Variants in GALNT13 observed in about 807,000 individuals in gnomAD.
GALNT13 encodes the protein polypeptide N-acetylgalactosaminyltransferase 13.
Under a neutral mutation model 64.2 loss-of-function variants are expected in GALNT13, and 28 were observed. That is an observed-to-expected ratio of 0.44 (90% CI 0.32 to 0.60). The LOEUF (loss-of-function observed/expected upper bound fraction) is 0.60, where lower values mean the gene tolerates loss of function less well. Ranked by LOEUF, GALNT13 falls within the 20% of genes least tolerant of loss-of-function variation. The pLI is 0.05. For synonymous variants in GALNT13, 214 were observed against 224.6 expected, an observed-to-expected ratio of 0.95 and a Z score of 0.42; for missense variants, 577 against 669.8, an observed-to-expected ratio of 0.86 and a Z score of 1.53.
At chr2:154,329,838 C>G (rs1174354274) in intron 9 of GALNT13, among the ~76,000 whole-genome samples, 2 of 152,028 alleles carry the variant, frequency 1.3e-5, no homozygotes, top group Non-Finnish European at 2.9e-5. Context: ...TTCTCTCTCT[C>G]CTGTGATCTC....
At chr2:154,201,475 GT>G (rs1687166916) in intron 4 of GALNT13, among the ~76,000 whole-genome samples, 1 of 152,082 alleles carries the variant, frequency 6.6e-6, no homozygotes, top group Admixed American at 6.6e-5. Flanking sequence ...GAAGACATTA[GT>G]AACGATGACA....
At chr2:153,225,469 C>T in the GALNT13 span, among the ~76,000 whole-genome samples, 2 of 151,976 alleles carry the variant, frequency 1.3e-5, no homozygotes, top group African/African-American at 4.8e-5. Flanking sequence ...TCCTATTCAC[C>T]CTTGTAGTAT....
chr2:153,309,468 A>T, the GALNT13 span, among the ~76,000 whole-genome samples: 2 of 152,136 alleles, frequency 1.3e-5, no homozygotes, highest in African/African-American at 4.8e-5. Context: ...GAAAGTCATC[A>T]TCTTTCACCA....
At chr2:154,445,060 G>A (rs1455151476) in intron 12 of GALNT13, among the ~76,000 whole-genome samples, 1 of 151,824 alleles carries the variant, frequency 6.6e-6, no homozygotes, top group East Asian at 1.9e-4. Flanking sequence ...ACTATGCTTT[G>A]TTTTCAAGCA....
At chr2:153,867,298 C>CG (rs1037122979), upstream of GALNT13, among the ~76,000 whole-genome samples, 19 of 152,112 alleles carry the variant, frequency 1.2e-4, no homozygotes, top group Admixed American at 6.6e-4. Context: ...TATCTAATTA[C>CG]GGGCCCTAGC....
At chr2:153,928,331 A>G (rs1690291924) in intron 2 of GALNT13, among the ~76,000 whole-genome samples, 1 of 152,134 alleles carries the variant, frequency 6.6e-6, no homozygotes, top group Non-Finnish European at 1.5e-5. Flanking sequence ...AAGGCCAACT[A>G]GGAAGCTGCA....
the GALNT13 span, among the ~76,000 whole-genome samples, chr2:153,511,433 A>T: frequency 6.6e-6 from 1 of 152,104 alleles, no homozygotes; most frequent in Admixed American, 6.6e-5. Flanking sequence ...GTAGGGTTTC[A>T]AGAGATGTGG....
intron 9 of GALNT13, among the ~76,000 whole-genome samples, chr2:154,363,182 C>CAAT (rs1449326560): frequency 6.6e-6 from 1 of 152,116 alleles, no homozygotes; most frequent in Admixed American, 6.6e-5. Flanking sequence ...CTTAAAAACC[C>CAAT]AATAGGCTTG....
intron 4 of GALNT13, among the ~76,000 whole-genome samples, chr2:154,195,615 T>C (rs1018608914): frequency 2.0e-5 from 3 of 152,186 alleles, no homozygotes; most frequent in Non-Finnish European, 2.9e-5. Context: ...TTGGTCTTTT[T>C]AATTTTTGGT....
At chr2:154,403,055 G>A (rs1699369005) in intron 10 of GALNT13, among the ~76,000 whole-genome samples, 1 of 152,030 alleles carries the variant, frequency 6.6e-6, no homozygotes, top group Non-Finnish European at 1.5e-5. Flanking sequence ...ATGCCTACAG[G>A]GTTGGGCTCG....
At chr2:154,001,358 C>T (rs964451192) in intron 3 of GALNT13, among the ~76,000 whole-genome samples, 6 of 151,400 alleles carry the variant, frequency 4.0e-5, no homozygotes, top group Non-Finnish European at 8.9e-5. Context: ...TTTTTTTGAT[C>T]CTTACTATCT....
the GALNT13 span, among the ~76,000 whole-genome samples, chr2:153,674,188 T>C: frequency 2.6e-5 from 4 of 152,078 alleles, no homozygotes; most frequent in Non-Finnish European, 5.9e-5. Context: ...CTTCACAGAA[T>C]TGGAAAAAAG....
At chr2:153,448,442 C>T in the GALNT13 span, among the ~76,000 whole-genome samples, 1 of 152,018 alleles carries the variant, frequency 6.6e-6, no homozygotes, top group Non-Finnish European at 1.5e-5. Flanking sequence ...ATATAATGCT[C>T]CAGTTATGAT....
At chr2:153,903,162 T>G (rs551840599) in intron 2 of GALNT13, among the ~76,000 whole-genome samples, 9 of 152,160 alleles carry the variant, frequency 5.9e-5, no homozygotes, top group African/African-American at 2.2e-4. Flanking sequence ...ATTATTCAAT[T>G]ATAAGTTACG....
chr2:153,758,875 A>G, the GALNT13 span, among the ~76,000 whole-genome samples: 1 of 152,216 alleles, frequency 6.6e-6, no homozygotes, highest in Admixed American at 6.5e-5. Flanking sequence ...TACAGGCATG[A>G]GCCACCACAG....
At chr2:153,273,894 A>G in the GALNT13 span, among the ~76,000 whole-genome samples, 1 of 152,262 alleles carries the variant, frequency 6.6e-6, no homozygotes, top group Non-Finnish European at 1.5e-5. Context: ...ATTTCTAATT[A>G]GTTGCTGAAA....
chr2:154,382,179 G>T (rs202104396), intron 9 of GALNT13, among the ~76,000 whole-genome samples: 1 of 152,046 alleles, frequency 6.6e-6, no homozygotes, highest in Admixed American at 6.6e-5. Context: ...GACACAGAGG[G>T]TTTGTTAAAT....
intron 4 of GALNT13, among the ~76,000 whole-genome samples, chr2:154,155,304 A>G (rs978758291): frequency 6.6e-6 from 1 of 152,100 alleles, no homozygotes; most frequent in African/African-American, 2.4e-5. Flanking sequence ...TGTGGTTAAA[A>G]TGTGTATTTT....
chr2:154,283,846 C>A (rs1027018488), intron 8 of GALNT13, among the ~76,000 whole-genome samples: 1 of 152,004 alleles, frequency 6.6e-6, no homozygotes, highest in African/African-American at 2.4e-5. Context: ...ATAGTAAGTT[C>A]TATAAATCAG....
Sources: allele counts gnomAD v4.1 joint callset (sites outside exome capture counted in the v4.1 genomes callset), GRCh38; gene constraint gnomAD v4.1.1; transcripts MANE v1.5; gene names NCBI Gene and HGNC (gene_info 2026-07-23, HGNC 2026-07-21).